Variants in PTPRM observed in about 807,000 individuals in gnomAD.
PTPRM encodes the protein protein tyrosine phosphatase receptor type M.
A neutral mutation model predicts 186.7 loss-of-function variants in PTPRM; 47 were observed. The ratio of observed to expected loss-of-function variants is 0.25; its 90% confidence interval spans 0.20 to 0.32. PTPRM has a LOEUF of 0.32. PTPRM is among the 10% of genes least tolerant of loss of function. PTPRM has a pLI of 1.00. For synonymous variants in PTPRM, 668 were observed against 674.9 expected (o/e 0.99, Z 0.16); for missense variants, 1,494 against 1,865.0 (o/e 0.80, Z 3.66).
At position 7,830,902 on chromosome 18, in the gene PTPRM, A is replaced by G. The variant is rs112887425; in HGVS notation, c.196+56631A>G. Among the ~76,000 whole-genome samples, 1,133 of 152,326 alleles carry G rather than the reference A, an allele frequency of 7.4e-3. 8 individuals carry two copies. Among genetic ancestry groups the G allele is most frequent in the African/African-American group, 0.026 (1,068 of 41,588 alleles). ...TTTGATTTTTCTGTAGTCACTGAAC[A>G]GAAGAGACTCTGCATTTTGGTTGTT... On this transcript the variant is annotated intron_variant, in intron 2 of 32. Transcript: ENST00000580170.
At chr18:7,869,577 G>A (rs1284789925) in intron 2 of PTPRM, among the ~76,000 whole-genome samples, 2 of 152,148 alleles carry the variant, frequency 1.3e-5, no homozygotes, top group Non-Finnish European at 2.9e-5. Flanking sequence ...AGTTGGAAAT[G>A]CAGAAATCAC....
intron 13 of PTPRM, among the ~76,000 whole-genome samples, chr18:8,127,155 T>G (rs1237940160): frequency 6.6e-6 from 1 of 151,580 alleles, no homozygotes; most frequent in Non-Finnish European, 1.5e-5. Flanking sequence ...TCCAACACAC[T>G]GGAAAAAAAA....
At chr18:8,035,061 C>G (rs1418501253) in intron 7 of PTPRM, among the ~76,000 whole-genome samples, 1 of 152,216 alleles carries the variant, frequency 6.6e-6, no homozygotes, top group Non-Finnish European at 1.5e-5. Flanking sequence ...CCTTGACCCT[C>G]TCTCCAGAGC....
chr18:7,590,688 A>G (rs539504973), intron 1 of PTPRM, among the ~76,000 whole-genome samples: 1 of 152,354 alleles, frequency 6.6e-6, no homozygotes, highest in Admixed American at 6.5e-5. Flanking sequence ...GATAATCACA[A>G]GATAGTGATG....
intron 7 of PTPRM, among the ~76,000 whole-genome samples, chr18:8,012,729 G>A (rs551316845): frequency 7.2e-5 from 11 of 152,074 alleles, no homozygotes; most frequent in African/African-American, 2.2e-4. Context: ...TCATATGTGC[G>A]GTTCATTATT....
chr18:7,609,521 T>A (rs2037619796), intron 1 of PTPRM, among the ~76,000 whole-genome samples: 1 of 73,646 alleles, frequency 1.4e-5, no homozygotes, highest in Non-Finnish European at 2.1e-5. Context: ...GCCTGTCTCC[T>A]TTTTTTTTTT....
At chr18:8,250,548 G>T (rs1252712693) in intron 17 of PTPRM, among the ~76,000 whole-genome samples, 1 of 152,018 alleles carries the variant, frequency 6.6e-6, no homozygotes, top group Non-Finnish European at 1.5e-5. Flanking sequence ...GGGAGGCCAA[G>T]GCAGGAAGAT....
rs1039086445 is a variant in PTPRM, at chr18:8,401,489, G to A, written c.4345-4620G>A. Among the ~76,000 whole-genome samples the A allele has an allele frequency of 2.0e-5, 3 of 152,210 alleles. No homozygotes were observed. The South Asian group carries it at 6.2e-4, about 32-fold the overall frequency. ...GGGCCCACGCTGCCCTTCTGGCAGG[G>A]CATCACTCAGAAGAATTTTTCCAGC... On this transcript the variant is annotated intron_variant, in intron 32 of 32. Transcript: ENST00000580170.
chr18:7,999,894 G>C lies in PTPRM; in HGVS notation c.1132+44480G>C, dbSNP rs143594228. The stretch of plus-strand genomic sequence containing the variant: ...CAAGATCTGCAGTTGGCAAAGTGGA[G>C]ACCAGAAGAGCCTGTGCTGGTGTGG... On this transcript the variant is annotated intron_variant, in intron 7 of 32. Coordinates refer to ENST00000580170, the MANE Select transcript of PTPRM (RefSeq NM_001105244.2). Among the ~76,000 whole-genome samples the C allele has an allele frequency of 6.6e-5, 10 of 152,240 alleles. 1 individual carries two copies. The East Asian group carries it at 1.8e-3, about 27-fold the overall frequency.
intron 1 of PTPRM, among the ~76,000 whole-genome samples, chr18:7,655,366 CAT>C (rs946064809): frequency 2.0e-5 from 3 of 152,146 alleles, no homozygotes; most frequent in African/African-American, 4.8e-5. Context: ...CACCTACACA[CAT>C]GTTAGAATGG....
chr18:8,052,558 G>A (rs1344461617), intron 7 of PTPRM, among the ~76,000 whole-genome samples: 1 of 152,112 alleles, frequency 6.6e-6, no homozygotes. Context: ...TTGGGTAAGT[G>A]CACTCTATGA....
intron 2 of PTPRM, among the ~76,000 whole-genome samples, chr18:7,788,055 C>T (rs1246563676): frequency 6.6e-6 from 1 of 152,114 alleles, no homozygotes; most frequent in African/African-American, 2.4e-5. Flanking sequence ...ACTTTGAAAA[C>T]GACTGACCTA....
intron 2 of PTPRM, among the ~76,000 whole-genome samples, chr18:7,866,062 G>A (rs1004373424): frequency 5.3e-5 from 8 of 152,024 alleles, no homozygotes; most frequent in Non-Finnish European, 1.0e-4. Context: ...GCTTCCATTT[G>A]ATTCTTCTCT....
rs1272899083 is a variant in PTPRM, at chr18:7,668,804, T to A, written c.73+100913T>A. Among the ~76,000 whole-genome samples, 1 of 152,156 alleles carries A rather than the reference T, an allele frequency of 6.6e-6. No homozygotes were observed. Among genetic ancestry groups the A allele is most frequent in the East Asian group, 1.9e-4 (1 of 5,162 alleles). Reference sequence around the variant, plus strand: ...TGCACCCAGAGGCCTAGAACTTCCTTACCCTGAGCTGTTTTTATTTCTGCT... The same window carrying A: ...TGCACCCAGAGGCCTAGAACTTCCTAACCCTGAGCTGTTTTTATTTCTGCT... On this transcript the variant is annotated intron_variant, in intron 1 of 32. Coordinates refer to ENST00000580170, the MANE Select transcript of PTPRM (RefSeq NM_001105244.2). This position sits in a 1 kb window ranked among gnomAD's most constrained non-coding sequence, Gnocchi z 4.7.
chr18:8,388,925 C>T (rs2095794786), intron 31 of PTPRM, among the ~76,000 whole-genome samples: 2 of 152,062 alleles, frequency 1.3e-5, no homozygotes, highest in South Asian at 4.1e-4. Flanking sequence ...GGCGCCACTG[C>T]ACTCCAGCCT....
At chr18:8,287,495 A>G (rs1264897106) in intron 19 of PTPRM, among the ~76,000 whole-genome samples, 2 of 152,206 alleles carry the variant, frequency 1.3e-5, no homozygotes, top group African/African-American at 2.4e-5. Flanking sequence ...CAAAGAGACC[A>G]GTCAGGAGGC....
In PTPRM at chr18:8,153,495, G is replaced by A. The variant is rs530913919; in HGVS notation, c.2300+9716G>A. On this transcript the variant is annotated intron_variant, in intron 14 of 32. Coordinates refer to ENST00000580170, the MANE Select transcript of PTPRM (RefSeq NM_001105244.2). ...TTTACTAGATAATAATCTTAAAAGG[G>A]TTGTCTTCACAGCATGTGCCACTTT... Among the ~76,000 whole-genome samples, 4 of 152,206 alleles carry A rather than the reference G, an allele frequency of 2.6e-5. No homozygotes were observed. The South Asian group carries it at 8.3e-4, about 32-fold the overall frequency.
At chr18:7,588,945 G>T (rs1436156574) in intron 1 of PTPRM, among the ~76,000 whole-genome samples, 1 of 152,156 alleles carries the variant, frequency 6.6e-6, no homozygotes, top group Non-Finnish European at 1.5e-5. Context: ...AACCTACTGG[G>T]CTCCAGTGAT....
chr18:7,713,465 C>T (rs911598778), intron 1 of PTPRM, among the ~76,000 whole-genome samples: 9 of 151,976 alleles, frequency 5.9e-5, no homozygotes, highest in East Asian at 1.9e-4. Context: ...CATCAACTAA[C>T]GGGCAAAATA....
Sources: allele counts gnomAD v4.1 joint callset (sites outside exome capture counted in the v4.1 genomes callset), GRCh38; gene constraint gnomAD v4.1.1; non-coding constraint Gnocchi (gnomAD v3.1); transcripts MANE v1.5; gene names NCBI Gene and HGNC (gene_info 2026-07-23, HGNC 2026-07-21).